GAB2: variants seen among roughly 807,000 people sequenced by gnomAD.
GAB2 encodes GRB2-associated-binding protein 2.
In GAB2, 26 loss-of-function variants were observed where a neutral mutation model predicts 65.5. The observed-to-expected ratio is 0.40, with a 90% CI of 0.29 to 0.55. The LOEUF is 0.55. Among genes scored for constraint, GAB2 ranks in the 20% least tolerant of loss-of-function variants. The pLI is 0.53. For synonymous variants in GAB2, 321 were observed against 329.6 expected, an observed-to-expected ratio of 0.97 and a Z score of 0.28; for missense variants, 884 against 875.8, an observed-to-expected ratio of 1.01 and a Z score of -0.12.
chr11:78,218,903 A>C lies in GAB2; in HGVS notation c.*369T>G. ...GAAGATAGCTGAGGGCTGTGACTGAACGTGAGGTGTGGAATCTGGCTCAGA... is the reference window on the plus strand; with the variant it reads ...GAAGATAGCTGAGGGCTGTGACTGACCGTGAGGTGTGGAATCTGGCTCAGA... On this transcript the variant is annotated 3_prime_UTR_variant, in exon 10 of 10. Transcript: ENST00000361507. The C allele has an allele frequency of 5.1e-6, 1 of 195,714 alleles. No individual in the cohort carries two copies. The highest frequency in any genetic ancestry group is 1.4e-4 in the East Asian group (1 of 7,154). 12.1% of individuals were successfully genotyped at this position (195,714 alleles called of 1,614,324 possible). A position where few individuals can be genotyped will look rare whatever the true frequency, so the allele number is the denominator to read the frequency against.
intron 1 of GAB2, among the ~76,000 whole-genome samples, chr11:78,344,882 G>C (rs2134695908): frequency 6.6e-6 from 1 of 152,128 alleles, no homozygotes; most frequent in East Asian, 1.9e-4. Context: ...CTAATGTCTT[G>C]GTGGCACAAA....
At chr11:78,262,290 A>C (rs2134547455) in intron 2 of GAB2, among the ~76,000 whole-genome samples, 1 of 152,326 alleles carries the variant, frequency 6.6e-6, no homozygotes, top group East Asian at 1.9e-4. Context: ...AAACCTAGGG[A>C]TGGTACCTGA....
At chr11:78,407,557 T>C (rs1246838547) in intron 1 of GAB2, among the ~76,000 whole-genome samples, 1 of 151,712 alleles carries the variant, frequency 6.6e-6, no homozygotes. Context: ...CTATTGAACC[T>C]GGGACGCAGA....
chr11:78,259,922 G>C (rs989391253), intron 2 of GAB2, among the ~76,000 whole-genome samples: 7 of 152,330 alleles, frequency 4.6e-5, no homozygotes, highest in Admixed American at 4.6e-4. Context: ...ATGTGGGCCT[G>C]GGGGCAGGAG....
intron 1 of GAB2, among the ~76,000 whole-genome samples, chr11:78,327,483 A>G (rs1377267217): frequency 6.6e-6 from 1 of 152,222 alleles, no homozygotes; most frequent in East Asian, 1.9e-4. Context: ...GCATGGAACA[A>G]AGGAAATAAT....
chr11:78,406,100 A>G (rs1007428055), intron 1 of GAB2, among the ~76,000 whole-genome samples: 1 of 152,210 alleles, frequency 6.6e-6, no homozygotes, highest in African/African-American at 2.4e-5. Context: ...TATGATATGC[A>G]TACCCAAAAA....
At chr11:78,280,949 T>TTA (rs1162200119) in intron 1 of GAB2, 48 bp from the exon 2 acceptor site, 1 of 1,503,436 alleles carries the variant, frequency 6.7e-7, no homozygotes, top group East Asian at 2.3e-5. Context: ...AAGTCATTAG[T>TTA]TATTTCAAAG....
chr11:78,343,435 GGGAGAGGGAGAA>G (rs1226266933), intron 1 of GAB2, among the ~76,000 whole-genome samples: 5 of 151,404 alleles, frequency 3.3e-5, no homozygotes, highest in African/African-American at 1.2e-4. Flanking sequence ...GACAGAAGGA[GGGAGAGGGAGAA>G]GGAGAGGGAG....
chr11:78,296,519 C>T (rs1457239812), intron 1 of GAB2, among the ~76,000 whole-genome samples: 3 of 152,158 alleles, frequency 2.0e-5, no homozygotes, highest in Non-Finnish European at 4.4e-5. Flanking sequence ...AACTTCAGCA[C>T]TATGCTTGGG....
chr11:78,252,387 C>A (rs1865479569), intron 2 of GAB2, among the ~76,000 whole-genome samples: 1 of 152,190 alleles, frequency 6.6e-6, no homozygotes, highest in African/African-American at 2.4e-5. Context: ...ATTAGATTTG[C>A]AAGATGAACT....
In GAB2 at chr11:78,218,508, C is replaced by G. The variant is rs1864257895; in HGVS notation, c.*764G>C. ...AGACCCCACAGTGTCCTTGTCATCTCCACCACCCGAGCTCCAAGCCCTGCT... is the reference window on the plus strand; with the variant it reads ...AGACCCCACAGTGTCCTTGTCATCTGCACCACCCGAGCTCCAAGCCCTGCT... On this transcript the variant is annotated 3_prime_UTR_variant, in exon 10 of 10. Coordinates refer to ENST00000361507, the MANE Select transcript of GAB2 (RefSeq NM_080491.3). The G allele has an allele frequency of 6.5e-6, 1 of 152,838 alleles. No homozygotes were observed. Among genetic ancestry groups the G allele is most frequent in the Non-Finnish European group, 1.5e-5 (1 of 68,548 alleles). 9.5% of individuals were successfully genotyped at this position (152,838 alleles called of 1,614,324 possible).
At chr11:78,230,752 G>A (rs1401560797) in intron 3 of GAB2, among the ~76,000 whole-genome samples, 2 of 152,256 alleles carry the variant, frequency 1.3e-5, no homozygotes, top group Non-Finnish European at 2.9e-5. Context: ...TACTCAGAGG[G>A]CAGGGAATTT....
intron 1 of GAB2, among the ~76,000 whole-genome samples, chr11:78,347,541 T>C (rs532275685): frequency 6.6e-6 from 1 of 152,286 alleles, no homozygotes; most frequent in South Asian, 2.1e-4. Flanking sequence ...GAACATTTAT[T>C]TCTTGAGAAA....
intron 1 of GAB2, among the ~76,000 whole-genome samples, chr11:78,398,021 T>TACACACACACAC (rs1554999817): frequency 1.9e-4 from 21 of 112,480 alleles, no homozygotes; most frequent in African/African-American, 6.3e-4. Flanking sequence ...TGTGAATAGC[T>TACACACACACAC]ACACACACAC....
chr11:78,405,260 G>A (rs1034599081), intron 1 of GAB2, among the ~76,000 whole-genome samples: 33 of 151,922 alleles, frequency 2.2e-4, no homozygotes, highest in African/African-American at 7.3e-4. Flanking sequence ...CACCACACCC[G>A]GCTAATTTTT....
chr11:78,331,149 T>G (rs1855906895), intron 1 of GAB2, among the ~76,000 whole-genome samples: 2 of 151,568 alleles, frequency 1.3e-5, no homozygotes, highest in Middle Eastern at 6.8e-3. Flanking sequence ...CACTCCAGCC[T>G]GGGTGACAGA....
At chr11:78,301,411 C>T (rs1210916440) in intron 1 of GAB2, among the ~76,000 whole-genome samples, 1 of 148,292 alleles carries the variant, frequency 6.7e-6, no homozygotes, top group African/African-American at 2.5e-5. Context: ...CTCACTGCAA[C>T]CTCTGCCTCC....
At chr11:78,281,542 A>AGAC (rs994308364) in intron 1 of GAB2, among the ~76,000 whole-genome samples, 1 of 152,040 alleles carries the variant, frequency 6.6e-6, no homozygotes, top group African/African-American at 2.4e-5. Context: ...CACCATGCCC[A>AGAC]GACGACCTTA....
At chr11:78,295,672 G>C (rs1866805008) in intron 1 of GAB2, among the ~76,000 whole-genome samples, 1 of 152,182 alleles carries the variant, frequency 6.6e-6, no homozygotes, top group Non-Finnish European at 1.5e-5. Flanking sequence ...GCACCCACAT[G>C]AACAGTGGAT....
Sources: gnomAD v4.1 joint callset for allele counts (sites outside exome capture counted in the v4.1 genomes callset) on GRCh38, gnomAD v4.1.1 for gene constraint, MANE v1.5 for transcripts, NCBI Gene and HGNC (gene_info 2026-07-23, HGNC 2026-07-21) for gene names.